BLOC1S5: variants seen among roughly 807,000 people sequenced by gnomAD.
BLOC1S5 encodes the protein biogenesis of lysosome-related organelles complex 1 subunit 5.
BLOC1S5 carries 27 observed loss-of-function variants against 24.3 expected under a neutral mutation model. That is an observed-to-expected ratio of 1.11 (90% CI 0.82 to 1.53). The LOEUF is 1.53. Among genes scored for constraint, BLOC1S5 ranks in the 40% most tolerant of loss-of-function variants. BLOC1S5 has a pLI of 0.00. For missense variants in BLOC1S5, 239 were observed against 229.4 expected (o/e 1.04, Z -0.27); for synonymous variants, 84 against 74.5 (o/e 1.13, Z -0.66).
At chr6:8,056,106 G>T (rs1389241133) in intron 2 of BLOC1S5, among the ~76,000 whole-genome samples, 1 of 152,142 alleles carries the variant, frequency 6.6e-6, no homozygotes, top group Non-Finnish European at 1.5e-5. Flanking sequence ...TAGTCAGAAG[G>T]CACTCACCAG....
chr6:8,063,885 C>CAGTG (rs1221779897), intron 1 of BLOC1S5, among the ~76,000 whole-genome samples: 1 of 152,226 alleles, frequency 6.6e-6, no homozygotes, highest in Non-Finnish European at 1.5e-5. Context: ...TGAGTAAAGC[C>CAGTG]AGTGACCCGA....
chr6:8,048,672 G>C (rs1206395872), intron 2 of BLOC1S5, among the ~76,000 whole-genome samples: 1 of 151,994 alleles, frequency 6.6e-6, no homozygotes, highest in Non-Finnish European at 1.5e-5. Flanking sequence ...TCTTTTGAAG[G>C]TATATTTCAC....
chr6:8,053,833 TTCTC>T (rs1345562192), intron 2 of BLOC1S5, among the ~76,000 whole-genome samples: 14 of 152,188 alleles, frequency 9.2e-5, no homozygotes, highest in Non-Finnish European at 1.5e-4. Context: ...GTGGTCTTTG[TTCTC>T]TCTTTTTGGT....
intron 1 of BLOC1S5, among the ~76,000 whole-genome samples, 187 bp from the exon 2 acceptor site, chr6:8,062,803 T>G (rs1488422815): frequency 2.6e-5 from 4 of 152,214 alleles, no homozygotes; most frequent in African/African-American, 7.2e-5. Flanking sequence ...AGAACAATCT[T>G]TCAGTATTCA....
At chr6:8,032,529 G>A (rs1763338336) in intron 3 of BLOC1S5, among the ~76,000 whole-genome samples, 1 of 152,090 alleles carries the variant, frequency 6.6e-6, no homozygotes, top group Non-Finnish European at 1.5e-5. Context: ...CATACTGAAT[G>A]GGCAAAAACT....
intron 4 of BLOC1S5, among the ~76,000 whole-genome samples, chr6:8,022,893 A>G (rs1440517153): frequency 6.6e-6 from 1 of 152,190 alleles, no homozygotes; most frequent in East Asian, 1.9e-4. Context: ...CTCAAACTCT[A>G]TTTAAAACAA....
intron 3 of BLOC1S5, among the ~76,000 whole-genome samples, chr6:8,039,677 T>A (rs1025681954): frequency 6.6e-6 from 1 of 152,158 alleles, no homozygotes; most frequent in African/African-American, 2.4e-5. Flanking sequence ...GAACAGATTT[T>A]GGCCGAATGC....
intron 2 of BLOC1S5, among the ~76,000 whole-genome samples, chr6:8,045,322 G>A (rs1051919265): frequency 1.1e-4 from 16 of 152,238 alleles, no homozygotes; most frequent in Admixed American, 9.2e-4. Flanking sequence ...GATTTCAGAA[G>A]ATGTAAGGAA....
At chr6:8,059,654 G>C (rs1488223339) in intron 2 of BLOC1S5, among the ~76,000 whole-genome samples, 1 of 152,186 alleles carries the variant, frequency 6.6e-6, no homozygotes. Flanking sequence ...GAAACATGTT[G>C]AGCTTTTTCC....
chr6:8,055,991 A>C (rs1764290638), intron 2 of BLOC1S5, among the ~76,000 whole-genome samples: 1 of 152,214 alleles, frequency 6.6e-6, no homozygotes, highest in Non-Finnish European at 1.5e-5. Context: ...GAATGGATTA[A>C]GGCCATCATC....
intron 3 of BLOC1S5, among the ~76,000 whole-genome samples, chr6:8,027,017 G>C (rs762936776): frequency 2.0e-5 from 3 of 152,164 alleles, no homozygotes; most frequent in Non-Finnish European, 4.4e-5. Context: ...AATCAAGGAG[G>C]TTATAAAACT....
chr6:8,046,100 AG>A (rs1406308414), intron 2 of BLOC1S5, among the ~76,000 whole-genome samples: 1 of 152,274 alleles, frequency 6.6e-6, no homozygotes, highest in Admixed American at 6.5e-5. Context: ...GGAAGAACCC[AG>A]GGGGAGGTAA....
chr6:8,054,981 T>C (rs552616663), intron 2 of BLOC1S5, among the ~76,000 whole-genome samples: 56 of 152,382 alleles, frequency 3.7e-4, no homozygotes, highest in Middle Eastern at 3.4e-3. Context: ...TTTTCATTTA[T>C]GAAATATTTT....
At chr6:8,026,231 A>G in intron 4 of BLOC1S5, 136 bp downstream of exon 4, 1 of 655,458 alleles carries the variant, frequency 1.5e-6, no homozygotes, top group South Asian at 1.9e-5. Flanking sequence ...TCCTCAACAC[A>G]TCTTCAATGA....
intron 4 of BLOC1S5, among the ~76,000 whole-genome samples, chr6:8,020,196 A>G (rs367746713): frequency 2.4e-4 from 37 of 152,324 alleles, no homozygotes; most frequent in African/African-American, 8.2e-4. Flanking sequence ...AGTCATGGTG[A>G]CAGAAGACAA....
chr6:8,050,884 C>T (rs1366535763), intron 2 of BLOC1S5, among the ~76,000 whole-genome samples: 1 of 151,986 alleles, frequency 6.6e-6, no homozygotes, highest in South Asian at 2.1e-4. Context: ...GGATTACAGG[C>T]ATGAGCAACT....
At chr6:8,016,875 T>C (rs1230162155) in intron 4 of BLOC1S5, among the ~76,000 whole-genome samples, 3 of 8,998 alleles carry the variant, frequency 3.3e-4, no homozygotes, top group Non-Finnish European at 7.3e-4. Flanking sequence ...ATACTCTATC[T>C]CAAAAAAAAA....
chr6:8,034,032 G>C (rs568353398), intron 3 of BLOC1S5, among the ~76,000 whole-genome samples: 97 of 152,372 alleles, frequency 6.4e-4, no homozygotes, highest in Non-Finnish European at 1.1e-3. Flanking sequence ...CTGTTCGTGG[G>C]AGTGTAAATT....
intron 2 of BLOC1S5, among the ~76,000 whole-genome samples, chr6:8,049,034 AAGAAG>A (rs1764011257): frequency 6.1e-5 from 8 of 130,544 alleles, no homozygotes; most frequent in Admixed American, 4.7e-4. Context: ...AAAGGAAAGA[AAGAAG>A]AGGAGGGGAG....
Sources: gnomAD v4.1 joint callset for allele counts (sites outside exome capture counted in the v4.1 genomes callset) on GRCh38, gnomAD v4.1.1 for gene constraint, MANE v1.5 for transcripts, NCBI Gene and HGNC (gene_info 2026-07-23, HGNC 2026-07-21) for gene names.